IQUB: variants seen among roughly 807,000 people sequenced by gnomAD.
IQUB encodes IQ motif and ubiquitin domain containing.
IQUB carries 86 observed loss-of-function variants against 86.4 expected under a neutral mutation model. The observed-to-expected ratio is 1.00, with a 90% CI of 0.84 to 1.19. IQUB has a LOEUF of 1.19. Among genes scored for constraint, IQUB ranks in the 50% most tolerant of loss-of-function variants. The probability of loss-of-function intolerance (pLI) is 0.00; values close to 1 mark genes in which losing one functional copy is unlikely to be tolerated. For synonymous variants in IQUB, 289 were observed against 304.5 expected (o/e 0.95, Z 0.53); for missense variants, 946 against 916.9 (o/e 1.03, Z -0.41).
At chr7:123,524,646 A>G (rs890198485) in intron 1 of IQUB, among the ~76,000 whole-genome samples, 12 of 151,414 alleles carry the variant, frequency 7.9e-5, no homozygotes, top group Non-Finnish European at 1.3e-4. Context: ...TCGTCTGCAA[A>G]CAGGGACAAT....
intron 8 of IQUB, among the ~76,000 whole-genome samples, chr7:123,478,856 T>A (rs1010027126): frequency 1.3e-5 from 2 of 152,072 alleles, no homozygotes; most frequent in Admixed American, 1.3e-4. Flanking sequence ...GGGTTCATCA[T>A]GTCTCCTTGA....
At chr7:123,507,593 C>T (rs1388465144) in intron 3 of IQUB, among the ~76,000 whole-genome samples, 1 of 152,116 alleles carries the variant, frequency 6.6e-6, no homozygotes, top group East Asian at 1.9e-4. Context: ...AAAAAATTAA[C>T]ATGAGGGCCA....
intron 10 of IQUB, chr7:123,462,935 C>G (rs1258662446): frequency 5.0e-6 from 2 of 403,754 alleles, no homozygotes; most frequent in East Asian, 7.2e-5. Flanking sequence ...CTCCAGTGTA[C>G]CTACTCCCAA....
intron 9 of IQUB, among the ~76,000 whole-genome samples, chr7:123,465,425 G>A (rs1255159819): frequency 6.6e-6 from 1 of 151,860 alleles, no homozygotes; most frequent in African/African-American, 2.4e-5. Context: ...ATGACAAGAG[G>A]AATTGTAATT....
chr7:123,508,604 GT>G (rs1207664056), intron 3 of IQUB, among the ~76,000 whole-genome samples: 1 of 152,318 alleles, frequency 6.6e-6, no homozygotes. Context: ...AAGACGAAAG[GT>G]CATGAGGTAT....
chr7:123,526,600 G>A (rs956287785), intron 1 of IQUB, among the ~76,000 whole-genome samples: 38 of 151,194 alleles, frequency 2.5e-4, no homozygotes, highest in African/African-American at 4.4e-4. Context: ...GTCTCTGCAC[G>A]TGAGATGGGT....
rs571339519 is a variant in IQUB, at chr7:123,467,629, T to G, written c.1581+1585A>C. ...CTGGGCCACCCAGCATTTATTTCCC[T>G]GGTCCTTGAATATATAACTGGAATA... On this transcript the variant is annotated intron_variant, in intron 9 of 12. Transcript: ENST00000324698. 1.4e-3 allele frequency among the ~76,000 whole-genome samples: 214 copies of G among 152,312 alleles called. 1 individual carries two copies. Among genetic ancestry groups the G allele is most frequent in the South Asian group, 6.4e-3 (31 of 4,830 alleles).
chr7:123,462,019 GTTTAA>G (rs1000037261), intron 10 of IQUB, among the ~76,000 whole-genome samples: 22 of 151,350 alleles, frequency 1.5e-4, no homozygotes, highest in Admixed American at 4.0e-4. Context: ...TGTTCTTCTC[GTTTAA>G]TTTATCTTCA....
At chr7:123,473,014 A>G (rs1338529053) in intron 8 of IQUB, among the ~76,000 whole-genome samples, 3 of 152,192 alleles carry the variant, frequency 2.0e-5, no homozygotes, top group African/African-American at 7.2e-5. Flanking sequence ...TTTCAGGGAA[A>G]GGAAGGTGGA....
At chr7:123,529,724 TAAAAAAAAAAA>T (rs753026777) in intron 1 of IQUB, among the ~76,000 whole-genome samples, 5 of 35,824 alleles carry the variant, frequency 1.4e-4, no homozygotes, top group East Asian at 1.9e-3. Flanking sequence ...TGTCTCTACT[TAAAAAAAAAAA>T]AAAAAAAAAA....
At chr7:123,489,309 C>T (rs185420764) in intron 7 of IQUB, among the ~76,000 whole-genome samples, 2 of 152,178 alleles carry the variant, frequency 1.3e-5, no homozygotes, top group East Asian at 3.9e-4. Flanking sequence ...CTCATACTCC[C>T]TGGAATAGAA....
intron 11 of IQUB, among the ~76,000 whole-genome samples, chr7:123,459,080 AG>A (rs199884345): frequency 5.3e-5 from 8 of 151,480 alleles, no homozygotes; most frequent in South Asian, 2.1e-4. Context: ...ACCAATTACA[AG>A]GGGGGGGAAG....
At chr7:123,476,995 G>C (rs1177007830) in intron 8 of IQUB, among the ~76,000 whole-genome samples, 1 of 152,124 alleles carries the variant, frequency 6.6e-6, no homozygotes, top group Admixed American at 6.6e-5. Flanking sequence ...TCAATATCAT[G>C]AAAATGGCCA....
intron 9 of IQUB, among the ~76,000 whole-genome samples, chr7:123,467,623 T>A (rs1794322599): frequency 1.3e-5 from 2 of 152,188 alleles, no homozygotes; most frequent in African/African-American, 4.8e-5. Flanking sequence ...CCAGCATTTA[T>A]TTCCCTGGTC....
intron 1 of IQUB, among the ~76,000 whole-genome samples, chr7:123,523,147 A>G (rs1445365673): frequency 1.3e-5 from 2 of 152,088 alleles, no homozygotes; most frequent in East Asian, 3.9e-4. Context: ...TATTGTGAAT[A>G]ATGCTGCAAT....
chr7:123,498,032 AG>A (rs1300758492), intron 6 of IQUB, among the ~76,000 whole-genome samples: 1 of 151,848 alleles, frequency 6.6e-6, no homozygotes, highest in Non-Finnish European at 1.5e-5. Context: ...ATTTGTCCCT[AG>A]GCAAGAGTGG....
Position 123,452,885 on chromosome 7 carries a change from T to C in IQUB, c.2234A>G (p.His745Arg), listed in dbSNP as rs564968370. ...RSFIHKIKHKHILAKNYFSQV... is the reference protein window; with the variant it reads ...RSFIHKIKHKRILAKNYFSQV... ...AGAAAAATAGTTCTTAGCCAGGATA[T>C]GTTTGTGTTTGATCTTGTGAATAAA... The change falls in exon 13 of 13, where the codon CAT becomes CGT. Residue 745 changes from histidine to arginine, a missense_variant. His to Arg is a conservative substitution (Grantham distance 29). Coordinates refer to ENST00000324698, the MANE Select transcript of IQUB (RefSeq NM_178827.5). The C allele has an allele frequency of 2.5e-6, 4 of 1,613,050 alleles. No homozygotes were observed. The highest frequency in any genetic ancestry group is 1.3e-5 in the African/African-American group (1 of 74,898).
intron 1 of IQUB, chr7:123,532,738 C>G (rs572544176): frequency 1.3e-5 from 2 of 152,130 alleles, no homozygotes; most frequent in African/African-American, 4.8e-5. Flanking sequence ...GCTCCTTCTC[C>G]GCGGCGATGG....
At chr7:123,484,621 C>T (rs926433529) in intron 7 of IQUB, among the ~76,000 whole-genome samples, 56 of 151,880 alleles carry the variant, frequency 3.7e-4, no homozygotes, top group Admixed American at 1.3e-4. Flanking sequence ...ATTATTTTAG[C>T]TATTCTCAAA....
Sources: gnomAD v4.1 joint callset for allele counts (sites outside exome capture counted in the v4.1 genomes callset) on GRCh38, gnomAD v4.1.1 for gene constraint, MANE v1.5 for transcripts, NCBI Gene and HGNC (gene_info 2026-07-23, HGNC 2026-07-21) for gene names.